The following ENTPD1 variants were observed in gnomAD, a reference collection of about 807,000 sequenced individuals.
ENTPD1 encodes ATP diphosphohydrolase.
In ENTPD1, 33 loss-of-function variants were observed where a neutral mutation model predicts 57.0. The ratio of observed to expected loss-of-function variants is 0.58; its 90% confidence interval spans 0.44 to 0.77. The LOEUF is 0.77. ENTPD1 is among the 30% of genes least tolerant of loss of function. The pLI, the probability that ENTPD1 is intolerant of heterozygous loss-of-function variation, is 0.00. For missense variants in ENTPD1, 501 were observed against 603.4 expected (o/e 0.83, Z 1.78); for synonymous variants, 202 against 218.8 (o/e 0.92, Z 0.68).
chr10:95,872,001 C>T lies in ENTPD1; in HGVS notation c.*5618C>T, dbSNP rs1416509382. ...ACCCAGTTCCTCCTCCTGTGTTTTA[C>T]ATGATTAATGCCACCCCTGCCTCAA... On this transcript the variant is annotated 3_prime_UTR_variant, in exon 10 of 10. Transcript: ENST00000371205. 1 of 985,418 alleles carries T rather than the reference C, an allele frequency of 1.0e-6. No homozygotes were observed. 61.0% of individuals were successfully genotyped at this position (985,418 alleles called of 1,614,324 possible).
intron 8 of ENTPD1, among the ~76,000 whole-genome samples, chr10:95,862,672 T>C (rs2098467301): frequency 6.6e-6 from 1 of 152,170 alleles, no homozygotes; most frequent in African/African-American, 2.4e-5. Context: ...GCAGCTTCAT[T>C]AGAGGGCTAG....
chr10:95,855,949 C>T (rs113384981), intron 7 of ENTPD1, among the ~76,000 whole-genome samples: 9 of 152,164 alleles, frequency 5.9e-5, no homozygotes, highest in East Asian at 1.9e-4. Flanking sequence ...ATCTTTGTGG[C>T]GTTCTCTGTA....
intron 1 of ENTPD1, among the ~76,000 whole-genome samples, chr10:95,720,053 G>C (rs2097975810): frequency 6.6e-6 from 1 of 152,090 alleles, no homozygotes; most frequent in Non-Finnish European, 1.5e-5. Context: ...TGTCCATTGG[G>C]TTTCTGTACT....
intron 1 of ENTPD1, among the ~76,000 whole-genome samples, chr10:95,743,047 G>A (rs577367005): frequency 3.3e-4 from 50 of 152,184 alleles, no homozygotes; most frequent in African/African-American, 1.2e-3. Context: ...GATTTCTTTA[G>A]TTTTTACCCA....
rs527337039 is a variant in ENTPD1, at chr10:95,839,518, G to C, written c.145-173G>C. 166 of 721,986 alleles carry C rather than the reference G, an allele frequency of 2.3e-4. 1 individual carries two copies. The highest frequency in any genetic ancestry group is 2.1e-3 in the South Asian group (137 of 65,120). 44.7% of individuals were successfully genotyped at this position (721,986 alleles called of 1,614,324 possible). A position where few individuals can be genotyped will look rare whatever the true frequency, so the allele number is the denominator to read the frequency against. ...AGCATGAAGAGCCCCGTTCTAGCAG[G>C]GTTGTTGTCCTGGTAGATCTTGTGA... On this transcript the variant is annotated intron_variant, in intron 2 of 9. Coordinates refer to ENST00000371205, the MANE Select transcript of ENTPD1 (RefSeq NM_001776.6).
chr10:95,823,502 G>C lies in ENTPD1; in HGVS notation c.144+138G>C, dbSNP rs1188582940. ...CCCAGGAACAAGTCAATTTCCACTG[G>C]ATTAGGGGAGTAAAATGGAAATAGG... is the stretch of plus-strand genomic sequence containing the variant. On this transcript the variant is annotated intron_variant, in intron 2 of 9. Coordinates refer to ENST00000371205, the MANE Select transcript of ENTPD1 (RefSeq NM_001776.6). The C allele has an allele frequency of 2.3e-6, 3 of 1,293,554 alleles. No individual in the cohort carries two copies. In the African/African-American group the frequency reaches 4.4e-5, roughly 19 times the overall value. 80.1% of individuals were successfully genotyped at this position (1,293,554 alleles called of 1,614,324 possible).
At chr10:95,732,492 A>G (rs1008838914) in intron 1 of ENTPD1, among the ~76,000 whole-genome samples, 2 of 152,204 alleles carry the variant, frequency 1.3e-5, no homozygotes, top group Admixed American at 6.5e-5. Flanking sequence ...TTACATATCA[A>G]TGAAAATTTG....
chr10:95,758,484 TC>T (rs927149305), intron 1 of ENTPD1, among the ~76,000 whole-genome samples: 1 of 152,166 alleles, frequency 6.6e-6, no homozygotes, highest in Admixed American at 6.5e-5. Context: ...CTTTAAGCCT[TC>T]TCTAATCCTT....
intron 2 of ENTPD1, among the ~76,000 whole-genome samples, chr10:95,828,059 G>A (rs1378852161): frequency 6.6e-6 from 1 of 152,112 alleles, no homozygotes; most frequent in Non-Finnish European, 1.5e-5. Context: ...ATCATTTAAA[G>A]CAGGGGTCCC....
Position 95,873,318 on chromosome 10 carries a change from C to T in ENTPD1, c.*6935C>T. 1 of 985,460 alleles carries T rather than the reference C, an allele frequency of 1.0e-6. No individual in the cohort carries two copies. The highest frequency in any genetic ancestry group is 1.2e-6 in the Non-Finnish European group (1 of 829,964). The allele number at this position is 985,460 out of a possible 1,614,324, so 61.0% of individuals were successfully genotyped here. A position where few individuals can be genotyped will look rare whatever the true frequency, so the allele number is the denominator to read the frequency against. On this transcript the variant is annotated 3_prime_UTR_variant, in exon 10 of 10. Transcript: ENST00000371205. ...AACGTGGTATTTACAAAGCTCACTC[C>T]TCTTATACAACAATCCAAGTGTTTC...
intron 1 of ENTPD1, among the ~76,000 whole-genome samples, chr10:95,806,959 G>T (rs951507781): frequency 1.3e-5 from 2 of 152,190 alleles, no homozygotes; most frequent in Non-Finnish European, 2.9e-5. Flanking sequence ...TAGGCTACAT[G>T]GGGGTCAGGG....
At chr10:95,756,283 T>C in intron 1 of ENTPD1, 28 bp downstream of exon 1, 1 of 1,563,874 alleles carries the variant, frequency 6.4e-7, no homozygotes. Context: ...TTGATCTGAA[T>C]CCTTAAGAAA....
chr10:95,872,002 A>G lies in ENTPD1; in HGVS notation c.*5619A>G, dbSNP rs1439904036. 1 of 985,430 alleles carries G rather than the reference A, an allele frequency of 1.0e-6. No individual in the cohort carries two copies. The highest frequency in any genetic ancestry group is 1.7e-5 in the African/African-American group (1 of 57,366). 61.0% of individuals were successfully genotyped at this position (985,430 alleles called of 1,614,324 possible). ...CCCAGTTCCTCCTCCTGTGTTTTAC[A>G]TGATTAATGCCACCCCTGCCTCAAT... On this transcript the variant is annotated 3_prime_UTR_variant, in exon 10 of 10. Coordinates refer to ENST00000371205, the MANE Select transcript of ENTPD1 (RefSeq NM_001776.6).
At chr10:95,819,533 G>A (rs953088613) in intron 1 of ENTPD1, among the ~76,000 whole-genome samples, 4 of 152,088 alleles carry the variant, frequency 2.6e-5, no homozygotes, top group Admixed American at 6.5e-5. Context: ...GTTTCTATAA[G>A]AATCAAAAGA....
chr10:95,716,644 A>C (rs73329287), intron 1 of ENTPD1, among the ~76,000 whole-genome samples: 11,146 of 151,862 alleles, frequency 0.073, 453 homozygotes, highest in African/African-American at 0.097. Flanking sequence ...TGCCACTGTC[A>C]TGTGTGCTCC....
chr10:95,789,517 C>T (rs2098194341), intron 1 of ENTPD1, among the ~76,000 whole-genome samples: 1 of 152,050 alleles, frequency 6.6e-6, no homozygotes, highest in Non-Finnish European at 1.5e-5. Flanking sequence ...GTACATTTGA[C>T]CCTTGCACAA....
At chr10:95,731,166 G>C (rs11188455) in intron 1 of ENTPD1, among the ~76,000 whole-genome samples, 40,881 of 152,074 alleles carry the variant, frequency 0.27, 6,341 homozygotes, top group Admixed American at 0.38. Flanking sequence ...CTTGAGACTT[G>C]AGAATGCCTG....
chr10:95,839,313 G>A (rs568360034), intron 2 of ENTPD1: 44 of 298,626 alleles, frequency 1.5e-4, no homozygotes, highest in Non-Finnish European at 2.3e-4. Context: ...TGATTCCAAT[G>A]TGTAGACAAG....
intron 1 of ENTPD1, among the ~76,000 whole-genome samples, chr10:95,763,855 C>G (rs151249958): frequency 6.6e-6 from 1 of 152,344 alleles, no homozygotes; most frequent in African/African-American, 2.4e-5. Flanking sequence ...TTCTAATCAC[C>G]TTACAGATGT....
Sources: allele counts gnomAD v4.1 joint callset (sites outside exome capture counted in the v4.1 genomes callset), GRCh38; gene constraint gnomAD v4.1.1; transcripts MANE v1.5; gene names NCBI Gene and HGNC (gene_info 2026-07-23, HGNC 2026-07-21).